Variants in FCHSD2 observed in about 807,000 individuals in gnomAD.
The protein encoded by FCHSD2 is FCH and double SH3 domains 2.
A neutral mutation model predicts 108.1 loss-of-function variants in FCHSD2; 38 were observed. The observed-to-expected ratio is 0.35, with a 90% CI of 0.27 to 0.46. The LOEUF (loss-of-function observed/expected upper bound fraction) is 0.46, where lower values mean the gene tolerates loss of function less well. Among genes scored for constraint, FCHSD2 ranks in the 20% least tolerant of loss-of-function variants. FCHSD2 has a pLI of 1.00. For missense variants in FCHSD2, 751 were observed against 897.8 expected (o/e 0.84, Z 2.09); for synonymous variants, 279 against 314.7 (o/e 0.89, Z 1.20).
chr11:72,977,613 C>T (rs1025720419), intron 8 of FCHSD2, among the ~76,000 whole-genome samples: 4 of 152,220 alleles, frequency 2.6e-5, no homozygotes, highest in African/African-American at 9.6e-5. Context: ...AGTATATGTG[C>T]TGCCGAAGCG....
chr11:72,961,903 C>T (rs997655965), intron 8 of FCHSD2, among the ~76,000 whole-genome samples: 1 of 152,116 alleles, frequency 6.6e-6, no homozygotes, highest in African/African-American at 2.4e-5. Context: ...TGTGTAAATG[C>T]CACATTTCGT....
chr11:72,975,270 A>C (rs1857083026), intron 8 of FCHSD2, among the ~76,000 whole-genome samples: 1 of 152,196 alleles, frequency 6.6e-6, no homozygotes, highest in Non-Finnish European at 1.5e-5. Context: ...ATAGTGCTAT[A>C]AGACATCTCT....
intron 8 of FCHSD2, among the ~76,000 whole-genome samples, chr11:72,983,468 TA>T (rs1300173241): frequency 1.3e-5 from 2 of 151,940 alleles, no homozygotes; most frequent in Non-Finnish European, 2.9e-5. Context: ...ACCTTGTCTC[TA>T]AAAAATTAAA....
At chr11:72,875,983 TG>T (rs1423624121) in intron 12 of FCHSD2, among the ~76,000 whole-genome samples, 2 of 152,186 alleles carry the variant, frequency 1.3e-5, no homozygotes, top group Non-Finnish European at 2.9e-5. Flanking sequence ...GTCCTCTAGC[TG>T]AAAGTAATTG....
intron 19 of FCHSD2, among the ~76,000 whole-genome samples, chr11:72,840,124 C>T (rs904314543): frequency 2.6e-5 from 4 of 152,288 alleles, no homozygotes; most frequent in Admixed American, 1.3e-4. Context: ...TTCTGCCACC[C>T]TCCATCCATC....
At chr11:72,864,642 T>C (rs890590362) in intron 13 of FCHSD2, among the ~76,000 whole-genome samples, 3 of 152,220 alleles carry the variant, frequency 2.0e-5, no homozygotes, top group African/African-American at 7.2e-5. Context: ...ATACACCAAA[T>C]TGCTAGCTGT....
In FCHSD2 at chr11:72,841,498, T is replaced by C. The variant is rs928395165; in HGVS notation, c.2012A>G (p.Asp671Gly). ...GGGAAAGTACAGGGAGCTCCTCTTA[T>C]CTGGGCTGGGGTAGGGGCTGCTGGG... ...QPPSSPYPSP[D>G]KRSSLYFPRS... Residue 671 changes from aspartate to glycine, a missense_variant, in exon 18 of 20, where the codon GAT (aspartate) becomes GGT (glycine). Coordinates refer to ENST00000409418, the MANE Select transcript of FCHSD2 (RefSeq NM_014824.3). The C allele has an allele frequency of 3.7e-6, 6 of 1,611,184 alleles. No homozygotes were observed. In the African/African-American group the frequency reaches 5.3e-5, roughly 14 times the overall value.
chr11:73,075,010 A>C (rs540251468), intron 3 of FCHSD2, among the ~76,000 whole-genome samples: 7 of 152,358 alleles, frequency 4.6e-5, no homozygotes, highest in Admixed American at 1.3e-4. Context: ...ACAGGCACTT[A>C]ATAACACAAA....
chr11:72,980,611 CAGTA>C (rs372678020), intron 8 of FCHSD2, among the ~76,000 whole-genome samples: 83 of 151,292 alleles, frequency 5.5e-4, no homozygotes, highest in Non-Finnish European at 8.7e-4. Context: ...AGTCCTCCAG[CAGTA>C]AGTGATTTCC....
At chr11:73,006,067 G>A (rs1857734823) in intron 4 of FCHSD2, among the ~76,000 whole-genome samples, 1 of 151,482 alleles carries the variant, frequency 6.6e-6, no homozygotes, top group Non-Finnish European at 1.5e-5. Context: ...GCCACTGCAT[G>A]TGGCTATTTT....
At chr11:72,845,418 A>T (rs1172081031) in intron 14 of FCHSD2, among the ~76,000 whole-genome samples, 1 of 136,368 alleles carries the variant, frequency 7.3e-6, no homozygotes, top group Non-Finnish European at 1.5e-5. Flanking sequence ...AGCCTGGGTG[A>T]CAGAGCAAGA....
chr11:72,876,140 A>G (rs761792706), intron 12 of FCHSD2, among the ~76,000 whole-genome samples: 15 of 152,050 alleles, frequency 9.9e-5, no homozygotes, highest in Non-Finnish European at 1.6e-4. Context: ...GCCTGGGCAA[A>G]ATAGCAAGAC....
intron 2 of FCHSD2, among the ~76,000 whole-genome samples, chr11:73,129,539 G>C (rs1860944065): frequency 1.3e-5 from 2 of 152,196 alleles, no homozygotes; most frequent in East Asian, 1.9e-4. Context: ...TCTAATGCCT[G>C]ATGATCTGTC....
At chr11:73,090,219 CTTTTTTT>C (rs59603567) in intron 2 of FCHSD2, among the ~76,000 whole-genome samples, 3 of 77,022 alleles carry the variant, frequency 3.9e-5, no homozygotes, top group Non-Finnish European at 6.9e-5. Flanking sequence ...TACAATACTT[CTTTTTTT>C]TTTTTTTTTT....
intron 13 of FCHSD2, among the ~76,000 whole-genome samples, chr11:72,857,100 C>T (rs1375262881): frequency 2.0e-5 from 3 of 152,148 alleles, no homozygotes; most frequent in Non-Finnish European, 4.4e-5. Context: ...TTTTTTCCTC[C>T]TTTATTTGGA....
intron 3 of FCHSD2, among the ~76,000 whole-genome samples, chr11:73,031,590 T>C (rs1858362531): frequency 6.6e-6 from 1 of 152,170 alleles, no homozygotes; most frequent in Non-Finnish European, 1.5e-5. Flanking sequence ...ATATGCATTA[T>C]GTTGTTCGAT....
rs558301508 is a variant in FCHSD2 at position 73,119,536 on chromosome 11, C to A, written c.119+20495G>T. On this transcript the variant is annotated intron_variant, in intron 2 of 19. Coordinates refer to ENST00000409418, the MANE Select transcript of FCHSD2 (RefSeq NM_014824.3). ...CTGGAAGGCAGTGGCACAATTATAG[C>A]TCACTATAACCTCAACCTCCTGGGT... Among the ~76,000 whole-genome samples the A allele has an allele frequency of 1.3e-4, 20 of 152,222 alleles. No homozygotes were observed. In the East Asian group the frequency reaches 3.9e-3, roughly 29 times the overall value.
At chr11:72,883,103 G>GA (rs1467994204) in intron 12 of FCHSD2, among the ~76,000 whole-genome samples, 9 of 151,980 alleles carry the variant, frequency 5.9e-5, no homozygotes, top group East Asian at 1.9e-4. Flanking sequence ...ATCTGTATAG[G>GA]AAAAAACAAA....
intron 13 of FCHSD2, among the ~76,000 whole-genome samples, chr11:72,862,629 A>T (rs1854625027): frequency 6.6e-6 from 1 of 152,228 alleles, no homozygotes; most frequent in South Asian, 2.1e-4. Flanking sequence ...TGGAAAACTG[A>T]ATATTGTTAA....
Sources: allele counts gnomAD v4.1 joint callset (sites outside exome capture counted in the v4.1 genomes callset), GRCh38; gene constraint gnomAD v4.1.1; transcripts MANE v1.5; gene names NCBI Gene and HGNC (gene_info 2026-07-23, HGNC 2026-07-21).